The following VPS13B variants were observed in gnomAD, a reference collection of about 807,000 sequenced individuals.
The protein encoded by VPS13B is intermembrane lipid transfer protein VPS13B.
A neutral mutation model predicts 426.4 loss-of-function variants in VPS13B; 285 were observed. The ratio of observed to expected loss-of-function variants is 0.67; its 90% confidence interval spans 0.61 to 0.74. VPS13B has a LOEUF of 0.74. Ranked by LOEUF, VPS13B falls within the 30% of genes least tolerant of loss-of-function variation. The pLI, the probability that VPS13B is intolerant of heterozygous loss-of-function variation, is 0.00. For synonymous variants in VPS13B, 1,676 were observed against 1,676.4 expected, an observed-to-expected ratio of 1.00 and a Z score of 0.01; for missense variants, 4,537 against 4,782.6, an observed-to-expected ratio of 0.95 and a Z score of 1.51.
At chr8:99,701,894 T>C (rs1832299332) in intron 36 of VPS13B, among the ~76,000 whole-genome samples, 1 of 152,158 alleles carries the variant, frequency 6.6e-6, no homozygotes, top group South Asian at 2.1e-4. Flanking sequence ...GAAATAAGAT[T>C]TATTAACTTC....
At chr8:99,148,587 ATTAC>A (rs1371226078) in intron 14 of VPS13B, among the ~76,000 whole-genome samples, 1 of 152,134 alleles carries the variant, frequency 6.6e-6, no homozygotes, top group Admixed American at 6.5e-5. Context: ...GCCATAGACA[ATTAC>A]TTTATATCTC....
At chr8:99,017,546 G>A (rs1433449615) in intron 2 of VPS13B, among the ~76,000 whole-genome samples, 1 of 151,594 alleles carries the variant, frequency 6.6e-6, no homozygotes, top group Non-Finnish European at 1.5e-5. Context: ...CCAGGCTGGA[G>A]TGCAGTAGTG....
chr8:99,096,427 C>T lies in VPS13B; in HGVS notation c.407C>T (p.Pro136Leu). The change falls in exon 4 of 62, where the codon CCA becomes CTA. Residue 136 changes from proline (P) to leucine (L), a missense_variant. Coordinates refer to ENST00000357162, the MANE Select transcript of VPS13B (RefSeq NM_152564.5). ...GCTGCTCCTACAGATCCTGACTTACCACCAGGTAACTTCTAATGGGATCAA... is the reference window on the plus strand; with the variant it reads ...GCTGCTCCTACAGATCCTGACTTACTACCAGGTAACTTCTAATGGGATCAA... The part of the protein sequence containing the change: ...QQAAPTDPDL[P>L]PGYVQSLIRR... 1.9e-6 allele frequency: 3 copies of T among 1,613,922 alleles called. No individual in the cohort carries two copies. Among genetic ancestry groups the T allele is most frequent in the Admixed American group, 1.7e-5 (1 of 59,982 alleles).
intron 33 of VPS13B, among the ~76,000 whole-genome samples, chr8:99,612,575 C>T (rs1827890624): frequency 6.6e-6 from 1 of 152,172 alleles, no homozygotes; most frequent in South Asian, 2.1e-4. Flanking sequence ...ACCTTCATTG[C>T]TTCCCTTTGC....
chr8:99,337,158 A>G (rs1411252638), intron 19 of VPS13B, among the ~76,000 whole-genome samples: 2 of 152,132 alleles, frequency 1.3e-5, no homozygotes, highest in African/African-American at 4.8e-5. Context: ...TGTGGCACAT[A>G]TACACCATGG....
intron 3 of VPS13B, among the ~76,000 whole-genome samples, chr8:99,044,928 C>T (rs1462566900): frequency 4.0e-5 from 6 of 151,102 alleles, no homozygotes; most frequent in Non-Finnish European, 5.9e-5. Flanking sequence ...TTTCTTTATC[C>T]GCTCGTCGAT....
intron 35 of VPS13B, chr8:99,697,818 A>G: frequency 3.3e-6 from 2 of 599,010 alleles, no homozygotes. Flanking sequence ...CCAGAAAGCA[A>G]GCTCACCAGC....
intron 51 of VPS13B, among the ~76,000 whole-genome samples, chr8:99,826,840 G>A (rs1434796359): frequency 6.6e-6 from 1 of 151,972 alleles, no homozygotes; most frequent in Non-Finnish European, 1.5e-5. Context: ...CGTCGTTTTG[G>A]TCATTGGTTC....
chr8:99,217,783 G>C (rs964943190), intron 17 of VPS13B, among the ~76,000 whole-genome samples: 2 of 152,140 alleles, frequency 1.3e-5, no homozygotes, highest in Admixed American at 1.3e-4. Flanking sequence ...TACTAGTTTT[G>C]GTAGTGACTA....
At position 99,642,288 on chromosome 8, in the gene VPS13B, A is replaced by T. The variant is rs1563840476; in HGVS notation, c.5698A>T (p.Thr1900Ser). 2 of 1,614,162 alleles carry T rather than the reference A, an allele frequency of 1.2e-6. No homozygotes were observed. Among genetic ancestry groups the T allele is most frequent in the East Asian group, 4.5e-5 (2 of 44,880 alleles). The change falls in exon 34 of 62, where the codon ACA (threonine) becomes TCA (serine). Residue 1900 changes from threonine to serine, a missense_variant. Physicochemically the swap from Thr to Ser is moderately conservative, Grantham distance 58 (BLOSUM62 1). This residue lies in a region of VPS13B where 4,311 missense variants were observed against 4,474.3 expected (regional missense o/e 0.96). Coordinates refer to ENST00000357162, the MANE Select transcript of VPS13B (RefSeq NM_152564.5). ...VLSLESLHAS[T>S]RSSARQALGI... ...CTCTCTTGAAAGTCTTCATGCATCC[A>T]CAAGGTCATCTGCTAGACAAGCACT...
chr8:99,552,814 G>A (rs1824356641), intron 30 of VPS13B, among the ~76,000 whole-genome samples: 1 of 152,074 alleles, frequency 6.6e-6, no homozygotes, highest in African/African-American at 2.4e-5. Context: ...CCAGGAAGTT[G>A]ACATTAGTAC....
At chr8:99,618,891 T>C (rs887619051) in intron 33 of VPS13B, among the ~76,000 whole-genome samples, 7 of 152,216 alleles carry the variant, frequency 4.6e-5, no homozygotes, top group African/African-American at 1.7e-4. Flanking sequence ...CTCTTAGCTC[T>C]TGTAAAACCC....
chr8:99,197,258 C>G (rs961593666), intron 17 of VPS13B, among the ~76,000 whole-genome samples: 24 of 150,484 alleles, frequency 1.6e-4, no homozygotes, highest in Non-Finnish European at 1.0e-4. Flanking sequence ...CTATGTTCAC[C>G]AGAGATATTG....
At chr8:99,798,901 A>G (rs1022569148) in intron 43 of VPS13B, among the ~76,000 whole-genome samples, 1 of 152,210 alleles carries the variant, frequency 6.6e-6, no homozygotes, top group Admixed American at 6.5e-5. Context: ...CAGCTGGCCT[A>G]TTAAAGCATG....
chr8:99,398,477 G>C (rs1464551580), intron 21 of VPS13B, among the ~76,000 whole-genome samples: 1 of 152,192 alleles, frequency 6.6e-6, no homozygotes, highest in Non-Finnish European at 1.5e-5. Context: ...AGGACCTTTA[G>C]TTGTTAAGGA....
intron 20 of VPS13B, 102 bp from the exon 21 acceptor site, chr8:99,391,455 C>T (rs2133312255): frequency 6.4e-7 from 1 of 1,574,226 alleles, no homozygotes; most frequent in African/African-American, 1.4e-5. Context: ...TCAGCCCCAA[C>T]TTGTGAAGGA....
intron 21 of VPS13B, among the ~76,000 whole-genome samples, chr8:99,399,739 A>C (rs1814932715): frequency 6.6e-6 from 1 of 152,186 alleles, no homozygotes; most frequent in Admixed American, 6.5e-5. Context: ...GCTCATAAAG[A>C]GATGTAATTA....
chr8:99,698,914 C>T (rs1832148022), intron 35 of VPS13B, among the ~76,000 whole-genome samples: 1 of 152,112 alleles, frequency 6.6e-6, no homozygotes, highest in South Asian at 2.1e-4. Flanking sequence ...TTAAAGAAAT[C>T]TCAGTCTACC....
intron 34 of VPS13B, among the ~76,000 whole-genome samples, chr8:99,656,023 G>C (rs1167413832): frequency 6.6e-6 from 1 of 152,186 alleles, no homozygotes. Flanking sequence ...AAGTCTTCAT[G>C]AAAGTCTTGA....
Sources: allele counts gnomAD v4.1 joint callset (sites outside exome capture counted in the v4.1 genomes callset), GRCh38; gene constraint gnomAD v4.1.1; regional missense constraint gnomAD v4.1.1; transcripts MANE v1.5; gene names NCBI Gene and HGNC (gene_info 2026-07-23, HGNC 2026-07-21).